SRPK2: variants seen among roughly 807,000 people sequenced by gnomAD.
The protein encoded by SRPK2 is SFRS protein kinase 2.
SRPK2 carries 21 observed loss-of-function variants against 90.8 expected under a neutral mutation model. The ratio of observed to expected loss-of-function variants is 0.23; its 90% CI spans 0.16 to 0.33. The LOEUF is 0.33. SRPK2 is among the 10% of genes least tolerant of loss of function. SRPK2 has a pLI of 1.00. For missense variants in SRPK2, 620 were observed against 869.0 expected, an observed-to-expected ratio of 0.71 and a Z score of 3.60; for synonymous variants, 288 against 311.1, an observed-to-expected ratio of 0.93 and a Z score of 0.78.
intron 2 of SRPK2, among the ~76,000 whole-genome samples, chr7:105,212,680 T>C (rs1283920666): frequency 6.6e-6 from 1 of 151,936 alleles, no homozygotes; most frequent in Non-Finnish European, 1.5e-5. Flanking sequence ...ACATATGAAA[T>C]TAGAGTGTAG....
At chr7:105,380,757 T>C (rs1454092630) in intron 2 of SRPK2, among the ~76,000 whole-genome samples, 1 of 151,612 alleles carries the variant, frequency 6.6e-6, no homozygotes, top group Non-Finnish European at 1.5e-5. Flanking sequence ...CTCCTGACCT[T>C]GTGATCTGCC....
At chr7:105,234,939 C>G (rs1262398337) in intron 2 of SRPK2, among the ~76,000 whole-genome samples, 3 of 152,216 alleles carry the variant, frequency 2.0e-5, no homozygotes, top group Non-Finnish European at 4.4e-5. Context: ...CCACATGCAG[C>G]CCAGGACGGC....
intron 2 of SRPK2, among the ~76,000 whole-genome samples, chr7:105,360,695 C>T (rs1818327024): frequency 6.6e-6 from 1 of 152,170 alleles, no homozygotes; most frequent in Admixed American, 6.6e-5. Flanking sequence ...ATACTGGCCC[C>T]CACTGTCTTC....
intron 7 of SRPK2, among the ~76,000 whole-genome samples, chr7:105,148,992 C>A (rs1004491792): frequency 1.3e-5 from 2 of 152,230 alleles, no homozygotes; most frequent in African/African-American, 4.8e-5. Context: ...CCCTTGAAAG[C>A]TGGGTATTGT....
chr7:105,160,363 A>T, intron 7 of SRPK2, 144 bp downstream of exon 7: 1 of 467,362 alleles, frequency 2.1e-6, no homozygotes, highest in Non-Finnish European at 3.9e-6. Flanking sequence ...AATGTTATGC[A>T]CTGATACATA....
intron 1 of SRPK2, among the ~76,000 whole-genome samples, chr7:105,397,530 A>C (rs1586044736): frequency 6.6e-6 from 1 of 151,294 alleles, no homozygotes; most frequent in Non-Finnish European, 1.5e-5. Context: ...GGGTTTCACC[A>C]TATTGGCGAG....
chr7:105,182,710 C>T (rs1166417367), intron 3 of SRPK2, among the ~76,000 whole-genome samples: 1 of 152,122 alleles, frequency 6.6e-6, no homozygotes, highest in Non-Finnish European at 1.5e-5. Context: ...TCAAGCAATC[C>T]ACCTGCCTTG....
intron 2 of SRPK2, among the ~76,000 whole-genome samples, chr7:105,383,734 T>A (rs965205429): frequency 7.9e-5 from 12 of 152,174 alleles, no homozygotes; most frequent in African/African-American, 2.7e-4. Flanking sequence ...AGAAAAATTT[T>A]AAGGAACAAT....
Position 105,167,912 on chromosome 7 carries a change from AACTTG to A in SRPK2, c.426+91_426+95del, listed in dbSNP as rs1790296508. 6.3e-6 allele frequency: 7 copies of A among 1,102,550 alleles called. No individual in the cohort carries two copies. In the Middle Eastern group the frequency reaches 8.3e-4, roughly 131 times the overall value. The allele number at this position is 1,102,550 out of a possible 1,614,324, so 68.3% of individuals were successfully genotyped here. A position where few individuals can be genotyped will look rare whatever the true frequency, so the allele number is the denominator to read the frequency against. ...AGGCATGAGCCACCGTGCCCAGCCA[AACTTG>A]ACTTTAATTTAGTATTACCCAGAAA... On this transcript the variant is annotated intron_variant, in intron 5 of 15. Transcript: ENST00000393651.
At chr7:105,167,904 C>A (rs1790293417) in intron 5 of SRPK2, 104 bp downstream of exon 5, 2 of 985,818 alleles carry the variant, frequency 2.0e-6, no homozygotes, top group African/African-American at 1.7e-5. Context: ...AGCCACCGTG[C>A]CCAGCCAAAC....
Position 105,203,795 on chromosome 7 carries a change from C to T in SRPK2, c.72-10G>A, listed in dbSNP as rs1265285806. On this transcript the variant is annotated splice_polypyrimidine_tract_variant and intron_variant, in intron 2 of 15. Transcript: ENST00000393651. ...CTGTTGAGGCTCCGGCCTGAAAGAG[C>T]AGAGAGAAAATTGCTATTTACTTAG... 6.4e-7 allele frequency: 1 copy of T among 1,563,082 alleles called. No homozygotes were observed.
At chr7:105,128,104 C>T (rs1391650845) in intron 13 of SRPK2, among the ~76,000 whole-genome samples, 1 of 152,190 alleles carries the variant, frequency 6.6e-6, no homozygotes, top group Non-Finnish European at 1.5e-5. Context: ...GCCACCTCTC[C>T]TGGCACTGTC....
At chr7:105,347,968 T>C (rs188775384) in intron 2 of SRPK2, among the ~76,000 whole-genome samples, 1 of 151,848 alleles carries the variant, frequency 6.6e-6, no homozygotes, top group Non-Finnish European at 1.5e-5. Flanking sequence ...TGTATCAAAA[T>C]TGCACATTTC....
At chr7:105,303,323 A>G (rs1810789096) in intron 2 of SRPK2, among the ~76,000 whole-genome samples, 1 of 151,914 alleles carries the variant, frequency 6.6e-6, no homozygotes, top group African/African-American at 2.4e-5. Context: ...GTGGGGTGGG[A>G]GCTGGGGGAG....
Position 105,177,797 on chromosome 7 carries a change from C to T in SRPK2, c.230-8532G>A, listed in dbSNP as rs370160958. ...TAGCACTTTGGGAGGCCGAGACGGG[C>T]GGATCACAAGATCAGGAGATCGAGA... On this transcript the variant is annotated intron_variant, in intron 3 of 15. Coordinates refer to ENST00000393651, the MANE Select transcript of SRPK2 (RefSeq NM_182692.3). 1.2e-4 allele frequency among the ~76,000 whole-genome samples: 18 copies of T among 152,066 alleles called. No homozygotes were observed. The East Asian group carries it at 1.7e-3, about 15-fold the overall frequency.
chr7:105,391,468 G>A (rs762769511), upstream of SRPK2, among the ~76,000 whole-genome samples: 2 of 152,134 alleles, frequency 1.3e-5, no homozygotes, highest in Non-Finnish European at 2.9e-5. Flanking sequence ...GCTTCCCAAA[G>A]TGCTGGGATT....
chr7:105,388,786 C>G lies in SRPK2; in HGVS notation c.16+5G>C, dbSNP rs1249953013. ...CGGGGAGAGGGCGCGCCGCGGGCCACTCACCTTTCCGGGAGCTCATTCCGA... is the reference window on the plus strand; with the variant it reads ...CGGGGAGAGGGCGCGCCGCGGGCCAGTCACCTTTCCGGGAGCTCATTCCGA... On this transcript the variant is annotated splice_donor_5th_base_variant and intron_variant, in intron 1 of 15. Coordinates refer to ENST00000393651, the MANE Select transcript of SRPK2 (RefSeq NM_182692.3). 1 of 1,500,168 alleles carries G rather than the reference C, an allele frequency of 6.7e-7. No homozygotes were observed. The highest frequency in any genetic ancestry group is 8.9e-7 in the Non-Finnish European group (1 of 1,121,624). 92.9% of individuals were successfully genotyped at this position (1,500,168 alleles called of 1,614,324 possible).
At position 105,205,728 on chromosome 7, in the gene SRPK2, T is replaced by C. The variant is rs186894426; in HGVS notation, c.72-1943A>G. Among the ~76,000 whole-genome samples, 249 of 152,174 alleles carry C rather than the reference T, an allele frequency of 1.6e-3. 1 individual carries two copies. Among genetic ancestry groups the C allele is most frequent in the African/African-American group, 5.7e-3 (237 of 41,500 alleles). ...AGAGTTCTGAAGGAGGAGAGGCAAG[T>C]AAGGAACTTCAGTAGTTTGCCACTT... On this transcript the variant is annotated intron_variant, in intron 2 of 15. Transcript: ENST00000393651.
chr7:105,223,837 G>GT (rs1563105531), intron 2 of SRPK2, among the ~76,000 whole-genome samples: 1 of 152,214 alleles, frequency 6.6e-6, no homozygotes, highest in Non-Finnish European at 1.5e-5. Flanking sequence ...GCTTCATGCG[G>GT]TAAAAGTATT....
Sources: gnomAD v4.1 joint callset for allele counts (sites outside exome capture counted in the v4.1 genomes callset) on GRCh38, gnomAD v4.1.1 for gene constraint, MANE v1.5 for transcripts, NCBI Gene and HGNC (gene_info 2026-07-23, HGNC 2026-07-21) for gene names.